Variants in DROSHA observed in about 807,000 individuals in gnomAD.
DROSHA encodes the protein drosha ribonuclease III, also known as ribonuclease 3.
In DROSHA, 56 loss-of-function variants were observed where a neutral mutation model predicts 181.9. The ratio of observed to expected loss-of-function variants is 0.31; its 90% CI spans 0.25 to 0.38. The LOEUF (loss-of-function observed/expected upper bound fraction) is 0.38, where lower values mean the gene tolerates loss of function less well. Among genes scored for constraint, DROSHA ranks in the 10% least tolerant of loss-of-function variants. The probability of loss-of-function intolerance (pLI) is 1.00; values close to 1 mark genes in which losing one functional copy is unlikely to be tolerated. For missense variants in DROSHA, 1,218 were observed against 1,743.5 expected, an observed-to-expected ratio of 0.70 and a Z score of 5.37; for synonymous variants, 524 against 591.2, an observed-to-expected ratio of 0.89 and a Z score of 1.65.
rs2241337 is a variant in DROSHA at position 31,409,145 on chromosome 5, A to G, written c.3765T>C (p.Asn1255=). 341,169 of 1,613,412 alleles carry G rather than the reference A, an allele frequency of 0.21. 39,675 individuals are homozygous for G. Among genetic ancestry groups the G allele is most frequent in the East Asian group, 0.48 (21,575 of 44,824 alleles). Residue 1255 remains asparagine (N), a synonymous_variant, in exon 33 of 36, where the codon AAT becomes AAC. Transcript: ENST00000344624. The surrounding 1 kb of genome is among the most constrained non-coding windows in gnomAD (Gnocchi z 4.0). ...GGGATTTGGGGTCATTCCAATCCTG[A>G]TTCAAAATGAACTCCTGTGGAAGTC... ...FFPRLKEFIL[N]QDWNDPKSQL... is the part of the protein sequence containing the mutation.
At chr5:31,421,247 G>T in intron 30 of DROSHA, 25 bp downstream of exon 30, 1 of 1,548,480 alleles carries the variant, frequency 6.5e-7, no homozygotes, top group Non-Finnish European at 8.9e-7. Flanking sequence ...CAATCTTATT[G>T]GAGGAAGTGA....
Position 31,515,574 on chromosome 5 carries a change from A to G in DROSHA, c.948-10T>C, listed in dbSNP as rs1172079204. 1 of 1,551,392 alleles carries G rather than the reference A, an allele frequency of 6.4e-7. No individual in the cohort carries two copies. The highest frequency in any genetic ancestry group is 8.7e-7 in the Non-Finnish European group (1 of 1,146,860). ...CGATAAACCGTAACTCCTAAAAGAA[A>G]AAGATATTTGCAAAATGTTTGGAAA... is the stretch of plus-strand genomic sequence containing the variant. On this transcript the variant is annotated splice_polypyrimidine_tract_variant and intron_variant, in intron 6 of 35. Transcript: ENST00000344624.
chr5:31,468,192 T>A, intron 17 of DROSHA, 129 bp from the exon 18 acceptor site: 2 of 1,021,242 alleles, frequency 2.0e-6, no homozygotes, highest in Non-Finnish European at 2.8e-6. Flanking sequence ...AAAGGTCATT[T>A]AAAACCCTTT....
At chr5:31,407,519 C>T (rs897799012) in intron 33 of DROSHA, among the ~76,000 whole-genome samples, 1 of 152,076 alleles carries the variant, frequency 6.6e-6, no homozygotes, top group Non-Finnish European at 1.5e-5. Context: ...AAACAAAGCT[C>T]CAGGTACTTG....
rs1260811543 is a variant in DROSHA, at chr5:31,470,383, T to C, written c.2241+1680A>G. Among the ~76,000 whole-genome samples the C allele has an allele frequency of 6.6e-6, 1 of 152,206 alleles. No individual in the cohort carries two copies. The highest frequency in any genetic ancestry group is 1.5e-5 in the Non-Finnish European group (1 of 68,032). On this transcript the variant is annotated intron_variant, in intron 17 of 35. Transcript: ENST00000344624. The surrounding 1 kb of genome is among the most constrained non-coding windows in gnomAD (Gnocchi z 4.0). ...AACCATTCATCAAAGACTCCTTTCA[T>C]ATGTTAGTGGTCTTTGGGTTTTCAC...
At chr5:31,490,094 T>A (rs945155904) in intron 13 of DROSHA, among the ~76,000 whole-genome samples, 1 of 151,658 alleles carries the variant, frequency 6.6e-6, no homozygotes, top group African/African-American at 2.4e-5. Context: ...CAGGCTGGTC[T>A]CAAACTCCTG....
intron 20 of DROSHA, among the ~76,000 whole-genome samples, chr5:31,457,531 C>A (rs1747821199): frequency 6.6e-6 from 1 of 152,038 alleles, no homozygotes; most frequent in African/African-American, 2.4e-5. Context: ...TACACTTGAC[C>A]CTGTAAATCT....
At chr5:31,428,334 G>A (rs927738803) in intron 27 of DROSHA, among the ~76,000 whole-genome samples, 2 of 152,160 alleles carry the variant, frequency 1.3e-5, no homozygotes, top group Non-Finnish European at 2.9e-5. Context: ...AGACAAGACT[G>A]CAGGAAGGAA....
intron 11 of DROSHA, among the ~76,000 whole-genome samples, chr5:31,498,699 A>C (rs751544754): frequency 1.3e-5 from 2 of 152,144 alleles, no homozygotes; most frequent in Middle Eastern, 6.8e-3. Flanking sequence ...CTCTACTAAA[A>C]ATACAAAATT....
chr5:31,527,767 T>C (rs555215257), intron 4 of DROSHA, among the ~76,000 whole-genome samples: 26 of 152,304 alleles, frequency 1.7e-4, no homozygotes, highest in African/African-American at 5.8e-4. Flanking sequence ...CCTCCAGAAC[T>C]GTGAGAAATA....
At chr5:31,530,584 C>G (rs551217704) in intron 3 of DROSHA, among the ~76,000 whole-genome samples, 1 of 147,822 alleles carries the variant, frequency 6.8e-6, no homozygotes, top group South Asian at 2.2e-4. Flanking sequence ...GAGTTCAGAT[C>G]GCGCCATTGC....
chr5:31,410,609 T>C, intron 31 of DROSHA, 137 bp downstream of exon 31: 1 of 1,302,774 alleles, frequency 7.7e-7, no homozygotes, highest in Non-Finnish European at 1.0e-6. Context: ...AAAGCTTTGG[T>C]AAAAAGCATA....
intron 2 of DROSHA, 24 bp from the exon 3 acceptor site, chr5:31,530,948 A>C (rs185306235): frequency 2.5e-6 from 1 of 398,252 alleles, no homozygotes; most frequent in African/African-American, 2.1e-5. Context: ...GTGGTCAATA[A>C]ATGTTTACTC....
At chr5:31,509,297 C>T (rs1738385757) in intron 9 of DROSHA, among the ~76,000 whole-genome samples, 1 of 149,432 alleles carries the variant, frequency 6.7e-6, no homozygotes, top group Non-Finnish European at 1.5e-5. Flanking sequence ...GTTGGGGAAG[C>T]AAAGAAAATA....
intron 29 of DROSHA, 37 bp from the exon 30 acceptor site, chr5:31,421,414 C>T (rs762665449): frequency 2.7e-6 from 4 of 1,499,430 alleles, no homozygotes; most frequent in South Asian, 1.2e-5. Flanking sequence ...AAATCAATAA[C>T]CATTTATGGA....
chr5:31,521,092 T>C (rs988715036), intron 6 of DROSHA, 31 bp downstream of exon 6: 1 of 1,607,458 alleles, frequency 6.2e-7, no homozygotes, highest in Non-Finnish European at 8.5e-7. Context: ...GATAATCCTA[T>C]GACTTCTTTC....
intron 35 of DROSHA, 127 bp from the exon 36 acceptor site, chr5:31,401,689 A>G: frequency 1.7e-6 from 1 of 581,702 alleles, no homozygotes. Context: ...ATTGTATTTT[A>G]TAAGGCACAA....
intron 21 of DROSHA, 73 bp downstream of exon 21, chr5:31,451,460 T>A: frequency 8.0e-7 from 1 of 1,254,016 alleles, no homozygotes; most frequent in Non-Finnish European, 1.1e-6. Context: ...GAACCCAATG[T>A]ACCATTTGTG....
chr5:31,401,402 A>G lies in DROSHA; in HGVS notation c.*30T>C. ...AGACAACAGTCACAGTTACTGAGCAAGTAAATACTCCACACTTGCATGCCC... is the reference window on the plus strand; with the variant it reads ...AGACAACAGTCACAGTTACTGAGCAGGTAAATACTCCACACTTGCATGCCC... On this transcript the variant is annotated 3_prime_UTR_variant, in exon 36 of 36. Coordinates refer to ENST00000344624, the MANE Select transcript of DROSHA (RefSeq NM_001382508.1). 1 of 1,605,552 alleles carries G rather than the reference A, an allele frequency of 6.2e-7. No homozygotes were observed.
Sources: allele counts gnomAD v4.1 joint callset (sites outside exome capture counted in the v4.1 genomes callset), GRCh38; gene constraint gnomAD v4.1.1; non-coding constraint Gnocchi (gnomAD v3.1); transcripts MANE v1.5; gene names NCBI Gene and HGNC (gene_info 2026-07-23, HGNC 2026-07-21).